B3GNT5: variants seen among roughly 807,000 people sequenced by gnomAD.
B3GNT5 encodes lactosylceramide 1,3-N-acetyl-beta-D-glucosaminyltransferase.
B3GNT5 carries 11 observed loss-of-function variants against 25.9 expected under a neutral mutation model. That is an observed-to-expected ratio of 0.42 (90% CI 0.27 to 0.70). The LOEUF (loss-of-function observed/expected upper bound fraction) is 0.70, where lower values mean the gene tolerates loss of function less well. B3GNT5 is among the 30% of genes least tolerant of loss of function. B3GNT5 has a pLI of 0.23. For missense variants in B3GNT5, 385 were observed against 458.4 expected, an observed-to-expected ratio of 0.84 and a Z score of 1.46; for synonymous variants, 166 against 158.6, an observed-to-expected ratio of 1.05 and a Z score of -0.35.
At chr3:183,268,563 A>C (rs1387319885) in intron 1 of B3GNT5, among the ~76,000 whole-genome samples, 2 of 152,228 alleles carry the variant, frequency 1.3e-5, no homozygotes, top group Non-Finnish European at 2.9e-5. Flanking sequence ...AGTTAGGCAC[A>C]TGTAAAGAGA....
intron 1 of B3GNT5, chr3:183,265,520 G>A (rs995935881): frequency 6.6e-6 from 1 of 152,290 alleles, no homozygotes; most frequent in Admixed American, 6.5e-5. Flanking sequence ...AGCGCCAGTT[G>A]TATGTGCGTG....
At chr3:183,260,293 T>C (rs980516200) in intron 1 of B3GNT5, among the ~76,000 whole-genome samples, 1 of 151,978 alleles carries the variant, frequency 6.6e-6, no homozygotes, top group Non-Finnish European at 1.5e-5. Context: ...TGGTATATAG[T>C]AGACATACCC....
chr3:183,265,814 AGTGAGATCTG>A lies in B3GNT5; in HGVS notation c.-301-3681_-301-3672del, dbSNP rs150132035. Among the ~76,000 whole-genome samples the A allele has an allele frequency of 4.6e-3, 695 of 152,304 alleles. 2 individuals carry two copies. Among genetic ancestry groups the A allele is most frequent in the African/African-American group, 0.016 (674 of 41,558 alleles). The stretch of plus-strand genomic sequence containing the variant: ...TTCCCCTTATCATTCCAGTATTATC[AGTGAGATCTG>A]GTTGTGATTTATGTAAATGGTGGCT... On this transcript the variant is annotated intron_variant, in intron 1 of 1. Transcript: ENST00000326505.
chr3:183,265,728 T>G (rs1045217780), intron 1 of B3GNT5, among the ~76,000 whole-genome samples: 4 of 152,254 alleles, frequency 2.6e-5, no homozygotes, highest in African/African-American at 9.6e-5. Context: ...TGAGGAGTTT[T>G]ACTTTTCCTA....
In B3GNT5 at chr3:183,269,816, T is replaced by C; in HGVS notation, c.18T>C (p.Ser6=). The C allele has an allele frequency of 1.9e-6, 3 of 1,608,096 alleles. No homozygotes were observed. The East Asian group carries it at 6.7e-5, about 36-fold the overall frequency. ...GAGTGGATATGAGAATGTTGGTTAG[T>C]GGCAGAAGAGTCAAAAAATGGCAGT... MRMLV[S]GRRVKKWQLI... The change falls in exon 2 of 2, where the codon AGT becomes AGC. Residue 6 remains serine (S), a synonymous_variant. Transcript: ENST00000326505.
At chr3:183,264,601 GTTGT>G (rs1392024199) in intron 1 of B3GNT5, among the ~76,000 whole-genome samples, 1 of 152,204 alleles carries the variant, frequency 6.6e-6, no homozygotes, top group East Asian at 1.9e-4. Context: ...GGAGACTGAG[GTTGT>G]TTAACTTGTA....
In B3GNT5 at chr3:183,270,182, G is replaced by A; in HGVS notation, c.384G>A (p.Leu128=). 2 of 1,614,138 alleles carry A rather than the reference G, an allele frequency of 1.2e-6. No individual in the cohort carries two copies. Among genetic ancestry groups the A allele is most frequent in the Non-Finnish European group, 8.5e-7 (1 of 1,180,030 alleles). Residue 128 remains leucine (L), a synonymous_variant, in exon 2 of 2, where the codon CTG becomes CTA. Transcript: ENST00000326505. This position sits in a 1 kb window ranked among gnomAD's most constrained non-coding sequence, Gnocchi z 4.5. Reference sequence around the variant, plus strand: ...AGCTGAATGCCAACATCAAAACTCTGTTTGCCTTAGGAACTCCTAATCCAC... The same window carrying A: ...AGCTGAATGCCAACATCAAAACTCTATTTGCCTTAGGAACTCCTAATCCAC... The part of the protein sequence containing the change: ...RSQLNANIKT[L]FALGTPNPLE...
At chr3:183,259,250 T>C (rs1409622509) in intron 1 of B3GNT5, among the ~76,000 whole-genome samples, 1 of 152,158 alleles carries the variant, frequency 6.6e-6, no homozygotes, top group Non-Finnish European at 1.5e-5. Flanking sequence ...TGAGTGAACG[T>C]TGTTCTTCTA....
At chr3:183,258,156 T>G (rs370645116) in intron 1 of B3GNT5, 1 of 152,104 alleles carries the variant, frequency 6.6e-6, no homozygotes, top group Non-Finnish European at 1.5e-5. Context: ...TTAGTAGAGA[T>G]GGGGTTTCAC....
At position 183,272,166 on chromosome 3, in the gene B3GNT5, T is replaced by C. The variant is rs1726833203; in HGVS notation, c.*1231T>C. ...CATTTTTAAAGCTGCATGTTCCTTG[T>C]AATCAAAGAGATGTGTCTGAGATCT... On this transcript the variant is annotated 3_prime_UTR_variant, in exon 2 of 2. Transcript: ENST00000326505. 1.1e-5 allele frequency: 11 copies of C among 1,000,218 alleles called. 1 individual carries two copies. The South Asian group carries it at 4.2e-4, about 38-fold the overall frequency. 62.0% of individuals were successfully genotyped at this position (1,000,218 alleles called of 1,614,324 possible).
chr3:183,268,275 G>A (rs1295703022), intron 1 of B3GNT5, among the ~76,000 whole-genome samples: 1 of 152,206 alleles, frequency 6.6e-6, no homozygotes, highest in Non-Finnish European at 1.5e-5. Flanking sequence ...GGCCAGGCTG[G>A]ACTTCATCTT....
In B3GNT5 at chr3:183,270,917, T is replaced by C; in HGVS notation, c.1119T>C (p.Cys373=). The change falls in exon 2 of 2, where the codon TGT becomes TGC. Residue 373 remains cysteine (C), a synonymous_variant. Transcript: ENST00000326505. This position sits in a 1 kb window ranked among gnomAD's most constrained non-coding sequence, Gnocchi z 4.5. The part of the protein sequence containing the change: ...CKISYVDTYP[C]RAAFI ...TTAGCTATGTGGACACATACCCTTG[T>C]AGGGCTGCGTTTATCTAATAGTACT... is the stretch of plus-strand genomic sequence containing the variant. 6.3e-7 allele frequency: 1 copy of C among 1,582,588 alleles called. No individual in the cohort carries two copies. The highest frequency in any genetic ancestry group is 8.6e-7 in the Non-Finnish European group (1 of 1,167,816).
Position 183,269,611 on chromosome 3 carries a change from C to T in B3GNT5, c.-188C>T, listed in dbSNP as rs1331471925. 3 of 559,672 alleles carry T rather than the reference C, an allele frequency of 5.4e-6. No homozygotes were observed. Among genetic ancestry groups the T allele is most frequent in the Admixed American group, 3.7e-5 (1 of 27,088 alleles). The allele number at this position is 559,672 out of a possible 1,614,324, so 34.7% of individuals were successfully genotyped here. A position where few individuals can be genotyped will look rare whatever the true frequency, so the allele number is the denominator to read the frequency against. On this transcript the variant is annotated 5_prime_UTR_variant, in exon 2 of 2. Transcript: ENST00000326505. ...CAGTGTCCTCGTTCTACAGGGTGTTCCATTCTTCCGCAATCTCAGAAAAAT... is the reference window on the plus strand; with the variant it reads ...CAGTGTCCTCGTTCTACAGGGTGTTTCATTCTTCCGCAATCTCAGAAAAAT...
rs1463907235 is a variant in B3GNT5 at position 183,260,125 on chromosome 3, C to T, written c.-302+6653C>T. Reference sequence around the variant, plus strand: ...GCTGGGACTCACAAGCTGCTCTAAGCTGCCACAGGGTCTGGAATTTGTTGA... The same window carrying T: ...GCTGGGACTCACAAGCTGCTCTAAGTTGCCACAGGGTCTGGAATTTGTTGA... On this transcript the variant is annotated intron_variant, in intron 1 of 1. Coordinates refer to ENST00000326505, the MANE Select transcript of B3GNT5 (RefSeq NM_032047.5). Among the ~76,000 whole-genome samples, 6 of 152,130 alleles carry T rather than the reference C, an allele frequency of 3.9e-5. No homozygotes were observed. The East Asian group carries it at 1.2e-3, about 29-fold the overall frequency.
Position 183,270,837 on chromosome 3 carries a change from G to A in B3GNT5, c.1039G>A (p.Gly347Ser). 6.2e-7 allele frequency: 1 copy of A among 1,613,696 alleles called. No homozygotes were observed. Among genetic ancestry groups the A allele is most frequent in the Non-Finnish European group, 8.5e-7 (1 of 1,179,882 alleles). The change falls in exon 2 of 2, where the codon GGT (glycine) becomes AGT (serine). Residue 347 changes from glycine to serine, a missense_variant. By Grantham distance (56) the Gly-to-Ser change is moderately conservative. Transcript: ENST00000326505. The surrounding 1 kb of genome is among the most constrained non-coding windows in gnomAD (Gnocchi z 4.5). ...TDPKVKTISK[G>S]FFGQIYCRLM... Reference sequence around the variant, plus strand: ...TCCTAAAGTAAAAACCATTTCCAAAGGTTTTTTTGGTCAAATATACTGCAG... The same window carrying A: ...TCCTAAAGTAAAAACCATTTCCAAAAGTTTTTTTGGTCAAATATACTGCAG...
At position 183,270,465 on chromosome 3, in the gene B3GNT5, G is replaced by T; in HGVS notation, c.667G>T (p.Val223Phe). The T allele has an allele frequency of 1.2e-6, 2 of 1,614,174 alleles. No individual in the cohort carries two copies. The highest frequency in any genetic ancestry group is 1.7e-6 in the Non-Finnish European group (2 of 1,180,030). ...IGVQDFWIGR[V>F]HRGAPPIRDK... Reference sequence around the variant, plus strand: ...TGTTCAAGACTTTTGGATTGGTCGTGTTCATCGTGGTGCCCCTCCCATTAG... The same window carrying T: ...TGTTCAAGACTTTTGGATTGGTCGTTTTCATCGTGGTGCCCCTCCCATTAG... Residue 223 changes from valine to phenylalanine, a missense_variant, in exon 2 of 2, where the codon GTT becomes TTT. Physicochemically the swap from Val to Phe is conservative, Grantham distance 50. Coordinates refer to ENST00000326505, the MANE Select transcript of B3GNT5 (RefSeq NM_032047.5). The surrounding 1 kb of genome is among the most constrained non-coding windows in gnomAD (Gnocchi z 4.5).
rs1461959986 is a variant in B3GNT5, at chr3:183,270,219, G to A, written c.421G>A (p.Glu141Lys). 1.2e-6 allele frequency: 2 copies of A among 1,614,024 alleles called. No homozygotes were observed. Among genetic ancestry groups the A allele is most frequent in the Non-Finnish European group, 1.7e-6 (2 of 1,180,012 alleles). The change falls in exon 2 of 2, where the codon GAA becomes AAA. Residue 141 changes from glutamate to lysine, a missense_variant. Transcript: ENST00000326505. The surrounding 1 kb of genome is among the most constrained non-coding windows in gnomAD (Gnocchi z 4.5). ...AACTCCTAATCCACTGGAGGGAGAA[G>A]AACTACAAAGAAAACTGGCTTGGGA... ...LGTPNPLEGE[E>K]LQRKLAWEDQ...
chr3:183,256,281 C>G (rs1416445658), intron 1 of B3GNT5, among the ~76,000 whole-genome samples: 1 of 152,068 alleles, frequency 6.6e-6, no homozygotes, highest in Non-Finnish European at 1.5e-5. Context: ...CCTTTGATAT[C>G]GAATCTCTGT....
chr3:183,270,977 A>T lies in B3GNT5; in HGVS notation c.*42A>T. The T allele has an allele frequency of 6.7e-7, 1 of 1,500,484 alleles. No individual in the cohort carries two copies. The highest frequency in any genetic ancestry group is 8.9e-7 in the Non-Finnish European group (1 of 1,121,686). The allele number at this position is 1,500,484 out of a possible 1,614,324, so 92.9% of individuals were successfully genotyped here. A position where few individuals can be genotyped will look rare whatever the true frequency, so the allele number is the denominator to read the frequency against. ...TATGTTTTCACTGTCACTGAGTCAAACCTGGATGAAAAAAACCTTTAAATG... is the reference window on the plus strand; with the variant it reads ...TATGTTTTCACTGTCACTGAGTCAATCCTGGATGAAAAAAACCTTTAAATG... On this transcript the variant is annotated 3_prime_UTR_variant, in exon 2 of 2. Coordinates refer to ENST00000326505, the MANE Select transcript of B3GNT5 (RefSeq NM_032047.5). The surrounding 1 kb of genome is among the most constrained non-coding windows in gnomAD (Gnocchi z 4.5).
Sources: gnomAD v4.1 joint callset for allele counts (sites outside exome capture counted in the v4.1 genomes callset) on GRCh38, gnomAD v4.1.1 for gene constraint, Gnocchi (gnomAD v3.1) non-coding constraint, MANE v1.5 for transcripts, NCBI Gene and HGNC (gene_info 2026-07-23, HGNC 2026-07-21) for gene names.